The following PCDHGB5 variants were observed in gnomAD, a reference collection of about 807,000 sequenced individuals.
The protein encoded by PCDHGB5 is protocadherin gamma subfamily B, 5.
In PCDHGB5, 48 loss-of-function variants were observed where a neutral mutation model predicts 62.9. The ratio of observed to expected loss-of-function variants is 0.76; its 90% confidence interval spans 0.61 to 0.97. The LOEUF (loss-of-function observed/expected upper bound fraction) is 0.97. Ranked by LOEUF, PCDHGB5 falls within the 50% of genes least tolerant of loss-of-function variation. The pLI, the probability that PCDHGB5 is intolerant of heterozygous loss-of-function variation, is 0.00. For missense variants in PCDHGB5, 1,118 were observed against 1,198.6 expected (o/e 0.93, Z 0.99); for synonymous variants, 474 against 511.2 (o/e 0.93, Z 0.98).
chr5:141,423,117 G>T, intron 1 of PCDHGB5: 1 of 1,613,816 alleles, frequency 6.2e-7, no homozygotes, highest in Non-Finnish European at 8.5e-7. Flanking sequence ...TGCGTACAGC[G>T]CGGGCACTGC....
At position 141,470,874 on chromosome 5, in the gene PCDHGB5, T is replaced by G. The variant is rs146599745; in HGVS notation, c.2398-23933T>G. ...AGATAAGTTTTTTGTTTGTTTGTTT[T>G]TTTGTTTTTGTTTTTGTTTTTTGTA... On this transcript the variant is annotated intron_variant, in intron 1 of 3. Coordinates refer to ENST00000617380, the MANE Select transcript of PCDHGB5 (RefSeq NM_018925.3). 1.4e-3 allele frequency among the ~76,000 whole-genome samples: 218 copies of G among 151,820 alleles called. 1 individual carries two copies. Among genetic ancestry groups the G allele is most frequent in the Middle Eastern group, 0.01 (3 of 294 alleles).
At chr5:141,482,901 A>T (rs192886570) in intron 1 of PCDHGB5, among the ~76,000 whole-genome samples, 2 of 152,240 alleles carry the variant, frequency 1.3e-5, no homozygotes, top group African/African-American at 4.8e-5. Flanking sequence ...GTGAAACCTC[A>T]TCTCTATTAA....
rs573785314 is a variant in PCDHGB5 at position 141,435,382 on chromosome 5, C to T, written c.2397+34858C>T. 2.0e-5 allele frequency among the ~76,000 whole-genome samples: 3 copies of T among 152,034 alleles called. No homozygotes were observed. In the East Asian group the frequency reaches 5.8e-4, roughly 29 times the overall value. ...TTTATCACTTAAATATACAATATAC[C>T]GTATTGCCATGACGAAAAATGGTAA... On this transcript the variant is annotated intron_variant, in intron 1 of 3. Transcript: ENST00000617380.
At chr5:141,402,434 A>C (rs2150931474) in intron 1 of PCDHGB5, among the ~76,000 whole-genome samples, 1 of 152,272 alleles carries the variant, frequency 6.6e-6, no homozygotes, top group East Asian at 1.9e-4. Flanking sequence ...AAGCATCATA[A>C]AAAGGAAATT....
intron 1 of PCDHGB5, among the ~76,000 whole-genome samples, chr5:141,457,904 T>C (rs960822555): frequency 6.0e-5 from 9 of 150,288 alleles, no homozygotes; most frequent in African/African-American, 2.2e-4. Context: ...GTAGACAAGG[T>C]GTGAGGCCAG....
intron 2 of PCDHGB5, among the ~76,000 whole-genome samples, chr5:141,498,828 G>C (rs2099786098): frequency 6.6e-6 from 1 of 152,092 alleles, no homozygotes; most frequent in Non-Finnish European, 1.5e-5. Flanking sequence ...AGCTACTCAG[G>C]AGGCTGAGGC....
intron 1 of PCDHGB5, chr5:141,413,223 G>C (rs1454395834): frequency 6.2e-7 from 1 of 1,613,694 alleles, no homozygotes; most frequent in African/African-American, 1.3e-5. Flanking sequence ...ATTGCAGCGG[G>C]CTGGTCCTGC....
chr5:141,419,981 A>C, intron 1 of PCDHGB5: 2 of 1,614,052 alleles, frequency 1.2e-6, no homozygotes, highest in Non-Finnish European at 1.7e-6. Context: ...CCTCGCGGTG[A>C]TTCTAGCTAT....
intron 1 of PCDHGB5, chr5:141,409,175 G>A: frequency 5.0e-6 from 8 of 1,614,008 alleles, no homozygotes; most frequent in Non-Finnish European, 6.8e-6. Flanking sequence ...GAAGGACGGA[G>A]GTGGTCTCTC....
chr5:141,405,124 G>A (rs1490821452), intron 1 of PCDHGB5: 2 of 1,614,020 alleles, frequency 1.2e-6, no homozygotes, highest in Admixed American at 3.3e-5. Context: ...CCTCGCATCT[G>A]CTGCGGGCTA....
Position 141,491,819 on chromosome 5 carries a change from G to C in PCDHGB5, c.2398-2988G>C. The C allele has an allele frequency of 6.7e-7, 1 of 1,482,028 alleles. No individual in the cohort carries two copies. Among genetic ancestry groups the C allele is most frequent in the Non-Finnish European group, 9.0e-7 (1 of 1,116,648 alleles). The allele number at this position is 1,482,028 out of a possible 1,614,324, so 91.8% of individuals were successfully genotyped here. A position where few individuals can be genotyped will look rare whatever the true frequency, so the allele number is the denominator to read the frequency against. On this transcript the variant is annotated intron_variant, in intron 1 of 3. Transcript: ENST00000617380. This position sits in a 1 kb window ranked among gnomAD's most constrained non-coding sequence, Gnocchi z 6.9. ...TCCGGCCGGCTTGGTCGCTGGCTGCGCTCCACCCGATTCTCGGGATCATTG... is the reference window on the plus strand; with the variant it reads ...TCCGGCCGGCTTGGTCGCTGGCTGCCCTCCACCCGATTCTCGGGATCATTG...
At chr5:141,422,886 G>A in intron 1 of PCDHGB5, 1 of 1,614,260 alleles carries the variant, frequency 6.2e-7, no homozygotes, top group Non-Finnish European at 8.5e-7. Flanking sequence ...GCCTGTTCGT[G>A]CTGGACCAGA....
chr5:141,451,037 C>T (rs1293972996), intron 1 of PCDHGB5, among the ~76,000 whole-genome samples: 1 of 151,594 alleles, frequency 6.6e-6, no homozygotes, highest in Middle Eastern at 3.2e-3. Context: ...ACCATATTGG[C>T]CAGGCTGGTC....
chr5:141,495,726 C>T (rs2099763293), intron 2 of PCDHGB5, among the ~76,000 whole-genome samples: 1 of 152,070 alleles, frequency 6.6e-6, no homozygotes, highest in Non-Finnish European at 1.5e-5. Flanking sequence ...ACACGGGACC[C>T]TTAGTCTCTT....
rs758879836 is a variant in PCDHGB5 at position 141,400,006 on chromosome 5, G to A, written c.1879G>A (p.Ala627Thr). 3 of 1,612,536 alleles carry A rather than the reference G, an allele frequency of 1.9e-6. No homozygotes were observed. The South Asian group carries it at 3.3e-5, about 18-fold the overall frequency. Residue 627 changes from alanine (A) to threonine (T), a missense_variant, in exon 1 of 4, where the codon GCC (alanine) becomes ACC (threonine). By Grantham distance (58) the Ala-to-Thr change is moderately conservative. Around this residue, in one of 2 missense-constraint regions of PCDHGB5, gnomAD observed 1,034 missense variants for 1,029.1 expected, o/e 1.00. Coordinates refer to ENST00000617380, the MANE Select transcript of PCDHGB5 (RefSeq NM_018925.3). ...CACAGGAGAGGTGCGCACAGCGCGT[G>A]CCTTGGGCGACAGGGACGCGGCCCG... ...LRTGEVRTARALGDRDAARQR... is the reference protein window; with the variant it reads ...LRTGEVRTARTLGDRDAARQR...
intron 1 of PCDHGB5, among the ~76,000 whole-genome samples, chr5:141,405,955 C>T (rs116457023): frequency 0.015 from 2,244 of 152,168 alleles, 22 homozygotes; most frequent in Admixed American, 0.035. Flanking sequence ...TAATAATTAA[C>T]CTGCTGTCAA....
chr5:141,399,751 G>A lies in PCDHGB5; in HGVS notation c.1624G>A (p.Val542Met), dbSNP rs564705346. The A allele has an allele frequency of 1.9e-6, 3 of 1,613,322 alleles. No individual in the cohort carries two copies. The highest frequency in any genetic ancestry group is 3.3e-5 in the Admixed American group (2 of 60,002). Residue 542 changes from valine to methionine, a missense_variant, in exon 1 of 4, where the codon GTG becomes ATG. Physicochemically the swap from Val to Met is conservative, Grantham distance 21. Transcript: ENST00000617380. ...DQGSPALSANVSLRVLVGDRN... is the reference protein window; with the variant it reads ...DQGSPALSANMSLRVLVGDRN... ...GGGCTCGCCTGCGCTCAGCGCAAAC[G>A]TGAGCCTGCGCGTGTTGGTGGGCGA...
At chr5:141,501,287 T>C (rs1025193070) in intron 2 of PCDHGB5, among the ~76,000 whole-genome samples, 1 of 96,980 alleles carries the variant, frequency 1.0e-5, no homozygotes, top group African/African-American at 4.2e-5. Context: ...GGATATTCCC[T>C]TATACACACA....
chr5:141,480,599 C>A (rs1202373543), intron 1 of PCDHGB5, among the ~76,000 whole-genome samples: 1 of 141,438 alleles, frequency 7.1e-6, no homozygotes, highest in East Asian at 1.9e-4. Flanking sequence ...TCTGGTCAGC[C>A]TGGAAAGCAA....
Sources: allele counts gnomAD v4.1 joint callset (sites outside exome capture counted in the v4.1 genomes callset), GRCh38; gene constraint gnomAD v4.1.1; regional missense constraint gnomAD v4.1.1; non-coding constraint Gnocchi (gnomAD v3.1); transcripts MANE v1.5; gene names NCBI Gene and HGNC (gene_info 2026-07-23, HGNC 2026-07-21).